The following CRYBB2 variants were observed in gnomAD, a reference collection of about 807,000 sequenced individuals.
CRYBB2 encodes the protein beta-crystallin B2.
In CRYBB2, 12 loss-of-function variants were observed where a neutral mutation model predicts 24.3. The ratio of observed to expected loss-of-function variants is 0.49; its 90% CI spans 0.32 to 0.80. The LOEUF (loss-of-function observed/expected upper bound fraction) is 0.80. CRYBB2 is among the 30% of genes least tolerant of loss of function. The pLI, the probability that CRYBB2 is intolerant of heterozygous loss-of-function variation, is 0.04. For synonymous variants in CRYBB2, 98 were observed against 101.6 expected (o/e 0.96, Z 0.21); for missense variants, 198 against 268.5 (o/e 0.74, Z 1.83).
At chr22:25,211,911 C>T (rs1242436646), upstream of CRYBB2, among the ~76,000 whole-genome samples, 2 of 152,208 alleles carry the variant, frequency 1.3e-5, no homozygotes, top group African/African-American at 4.8e-5. Context: ...TGATTTACAC[C>T]ACCTGGTTTC....
chr22:25,227,259 T>C (rs1935435429), intron 3 of CRYBB2, among the ~76,000 whole-genome samples: 1 of 152,188 alleles, frequency 6.6e-6, no homozygotes. Context: ...GTACTATTTT[T>C]CTTCTAATGT....
chr22:25,229,369 A>G (rs1935492578), intron 4 of CRYBB2, 67 bp from the exon 5 acceptor site: 6 of 1,530,202 alleles, frequency 3.9e-6, no homozygotes, highest in South Asian at 1.2e-5. Context: ...GGGCATGAGC[A>G]TGGGGTGGGA....
chr22:25,213,440 C>T (rs747464336), intron 1 of CRYBB2: 2 of 152,096 alleles, frequency 1.3e-5, no homozygotes, highest in East Asian at 1.9e-4. Flanking sequence ...TTGAAAACAA[C>T]GAAACTTATT....
chr22:25,229,003 T>C (rs1202455048), intron 4 of CRYBB2, among the ~76,000 whole-genome samples: 3 of 150,734 alleles, frequency 2.0e-5, no homozygotes, highest in African/African-American at 4.9e-5. Context: ...TGTGCGTGTG[T>C]GTGCAAGTGT....
upstream of CRYBB2, among the ~76,000 whole-genome samples, chr22:25,218,780 A>AGAGGG (rs1197095284): frequency 1.7e-4 from 4 of 23,446 alleles, no homozygotes; most frequent in South Asian, 3.5e-3. Context: ...AGAGAGAGAG[A>AGAGGG]AGAAAGAAAG....
chr22:25,218,767 GAGAGAGAGAGAGAAGAAAGA>G (rs1935245097), upstream of CRYBB2, among the ~76,000 whole-genome samples: 2 of 34,100 alleles, frequency 5.9e-5, no homozygotes, highest in Non-Finnish European at 1.1e-4. Context: ...GAGAGAGAGA[GAGAGAGAGAGAGAAGAAAGA>G]AAGAAAGAAA....
intron 4 of CRYBB2, among the ~76,000 whole-genome samples, chr22:25,228,997 C>CGT (rs111535731): frequency 6.2e-5 from 9 of 145,752 alleles, no homozygotes; most frequent in Non-Finnish European, 1.3e-4. Context: ...TGTGGGTGTG[C>CGT]GTGTGTGTGC....
intron 4 of CRYBB2, among the ~76,000 whole-genome samples, chr22:25,228,945 C>T (rs143574384): frequency 9.4e-4 from 141 of 150,698 alleles, no homozygotes; most frequent in Non-Finnish European, 1.7e-3. Flanking sequence ...CACGTGTGTG[C>T]GCGCAAGTGT....
At chr22:25,218,060 C>T (rs984522670), upstream of CRYBB2, among the ~76,000 whole-genome samples, 1 of 150,594 alleles carries the variant, frequency 6.6e-6, no homozygotes, top group Non-Finnish European at 1.5e-5. Flanking sequence ...GAGATCGAGA[C>T]CATCCTGGCT....
upstream of CRYBB2, among the ~76,000 whole-genome samples, chr22:25,218,771 G>GAAAGAA (rs1569016193): frequency 1.1e-4 from 2 of 17,598 alleles, no homozygotes; most frequent in African/African-American, 6.2e-4. Flanking sequence ...GAGAGAGAGA[G>GAAAGAA]AGAGAGAGAA....
At chr22:25,228,947 CG>C (rs1238799501) in intron 4 of CRYBB2, among the ~76,000 whole-genome samples, 1 of 148,656 alleles carries the variant, frequency 6.7e-6, no homozygotes, top group Non-Finnish European at 1.5e-5. Context: ...CGTGTGTGCG[CG>C]CAAGTGTGTG....
intron 3 of CRYBB2, among the ~76,000 whole-genome samples, chr22:25,225,238 G>A (rs1399157865): frequency 6.6e-6 from 1 of 152,224 alleles, no homozygotes; most frequent in Non-Finnish European, 1.5e-5. Context: ...GTTGTGTGGT[G>A]TTGGACCAGG....
chr22:25,227,315 A>G (rs1935436684), intron 3 of CRYBB2, among the ~76,000 whole-genome samples: 1 of 152,136 alleles, frequency 6.6e-6, no homozygotes, highest in Non-Finnish European at 1.5e-5. Context: ...AACAGGAACA[A>G]GAGAAGAAAC....
intron 5 of CRYBB2, among the ~76,000 whole-genome samples, chr22:25,230,170 T>A (rs1476404083): frequency 2.2e-5 from 3 of 135,288 alleles, no homozygotes; most frequent in South Asian, 2.3e-4. Context: ...TTTTTTTTTT[T>A]AATTGAGACG....
At chr22:25,224,875 C>G (rs1935385235) in intron 2 of CRYBB2, 43 bp from the exon 3 acceptor site, 1 of 1,093,120 alleles carries the variant, frequency 9.1e-7, no homozygotes, top group Non-Finnish European at 1.4e-6. Flanking sequence ...GTTCTCACTC[C>G]TCTTCATCGT....
chr22:25,216,608 G>GT (rs1299785796), upstream of CRYBB2, among the ~76,000 whole-genome samples: 1 of 152,132 alleles, frequency 6.6e-6, no homozygotes, highest in Non-Finnish European at 1.5e-5. Context: ...AACTTCTGGG[G>GT]TTTTTTGGGG....
In CRYBB2 at chr22:25,224,991, A is replaced by G; in HGVS notation, c.128A>G (p.Glu43Gly). 1.9e-6 allele frequency: 3 copies of G among 1,613,476 alleles called. No homozygotes were observed. Among genetic ancestry groups the G allele is most frequent in the Non-Finnish European group, 2.5e-6 (3 of 1,179,378 alleles). The change falls in exon 3 of 6, where the codon GAA (glutamate) becomes GGA (glycine). Residue 43 changes from glutamate to glycine, a missense_variant. Physicochemically the swap from Glu to Gly is moderately conservative, Grantham distance 98. Transcript: ENST00000398215. ...ELNGPCPNLK[E>G]TGVEKAGSVL... The stretch of plus-strand genomic sequence containing the variant: ...AATGGGCCCTGCCCCAACCTGAAGG[A>G]AACTGGCGTGGAGAAGGCAGGTTCT...
At chr22:25,218,818 G>GAA (rs371049610), upstream of CRYBB2, among the ~76,000 whole-genome samples, 1 of 65,278 alleles carries the variant, frequency 1.5e-5, no homozygotes. Flanking sequence ...AAGAAAGAAA[G>GAA]AAAGAAAGAA....
chr22:25,223,056 A>G (rs1935348155), intron 2 of CRYBB2, among the ~76,000 whole-genome samples: 1 of 152,132 alleles, frequency 6.6e-6, no homozygotes, highest in African/African-American at 2.4e-5. Context: ...CCTCTACTCT[A>G]TTGATTAATA....
Sources: allele counts gnomAD v4.1 joint callset (sites outside exome capture counted in the v4.1 genomes callset), GRCh38; gene constraint gnomAD v4.1.1; transcripts MANE v1.5; gene names NCBI Gene and HGNC (gene_info 2026-07-23, HGNC 2026-07-21).